The following NDRG2 variants were observed in gnomAD, a reference collection of about 807,000 sequenced individuals.
NDRG2 encodes the protein NDRG family member 2.
In NDRG2, 34 loss-of-function variants were observed where a neutral mutation model predicts 58.2. The observed-to-expected ratio is 0.58, with a 90% CI of 0.44 to 0.78. NDRG2 has a LOEUF of 0.78. NDRG2 is among the 30% of genes least tolerant of loss of function. NDRG2 has a pLI of 0.00. For synonymous variants in NDRG2, 187 were observed against 175.9 expected, an observed-to-expected ratio of 1.06 and a Z score of -0.50; for missense variants, 434 against 471.2, an observed-to-expected ratio of 0.92 and a Z score of 0.73.
intron 1 of NDRG2, among the ~76,000 whole-genome samples, chr14:21,053,893 A>AC (rs1437139239): frequency 2.0e-5 from 3 of 152,216 alleles, no homozygotes; most frequent in African/African-American, 4.8e-5. Context: ...TATTCTATGA[A>AC]ACTGGGTCCA....
At chr14:21,020,878 A>G (rs781001944) in intron 6 of NDRG2, 34 bp from the exon 7 acceptor site, 2 of 1,609,852 alleles carry the variant, frequency 1.2e-6, no homozygotes, top group South Asian at 2.2e-5. Context: ...GCCTCATGGG[A>G]TCTGCTGTCC....
At chr14:21,063,843 T>A (rs890070319) in intron 1 of NDRG2, among the ~76,000 whole-genome samples, 1 of 152,254 alleles carries the variant, frequency 6.6e-6, no homozygotes, top group Non-Finnish European at 1.5e-5. Flanking sequence ...TCTCTCATTA[T>A]GCTTAAAATT....
rs941406000 is a variant in NDRG2, at chr14:21,017,292, A to G, written c.*304T>C. 5 of 439,754 alleles carry G rather than the reference A, an allele frequency of 1.1e-5. No homozygotes were observed. The highest frequency in any genetic ancestry group is 1.7e-5 in the Non-Finnish European group (4 of 234,868). 27.2% of individuals were successfully genotyped at this position (439,754 alleles called of 1,614,324 possible). ...CAACTACAACAACCTCTTACCCCTC[A>G]GCTATAGACACCTAGATCAGGACAG... On this transcript the variant is annotated 3_prime_UTR_variant, in exon 16 of 16. Coordinates refer to ENST00000556147, the MANE Select transcript of NDRG2 (RefSeq NM_001320329.2).
intron 1 of NDRG2, chr14:21,058,363 G>C: frequency 6.3e-7 from 1 of 1,584,784 alleles, no homozygotes; most frequent in Non-Finnish European, 8.6e-7. Flanking sequence ...TCTAAGCCCT[G>C]GTGCCCACGT....
At chr14:21,020,867 C>A in intron 6 of NDRG2, 23 bp from the exon 7 acceptor site, 1 of 1,611,892 alleles carries the variant, frequency 6.2e-7, no homozygotes, top group Non-Finnish European at 8.5e-7. Flanking sequence ...AAGAAATATA[C>A]GCCTCATGGG....
chr14:21,070,319 C>A lies in NDRG2; in HGVS notation c.24+509G>T. The A allele has an allele frequency of 2.2e-6, 3 of 1,381,972 alleles. No homozygotes were observed. The highest frequency in any genetic ancestry group is 2.8e-6 in the Non-Finnish European group (3 of 1,068,878). 85.6% of individuals were successfully genotyped at this position (1,381,972 alleles called of 1,614,324 possible). A position where few individuals can be genotyped will look rare whatever the true frequency, so the allele number is the denominator to read the frequency against. ...TCCCTTAGCCAGACCCGGCGAGACA[C>A]GAGCGGCGGGAGGGAGGCGGTGGCG... On this transcript the variant is annotated intron_variant, in intron 1 of 14. Transcript: ENST00000403829. This position sits in a 1 kb window ranked among gnomAD's most constrained non-coding sequence, Gnocchi z 4.7.
Position 21,024,597 on chromosome 14 carries a change from C to A in NDRG2, c.-574G>T. 1 of 985,518 alleles carries A rather than the reference C, an allele frequency of 1.0e-6. No individual in the cohort carries two copies. Among genetic ancestry groups the A allele is most frequent in the Non-Finnish European group, 1.2e-6 (1 of 829,960 alleles). The allele number at this position is 985,518 out of a possible 1,614,324, so 61.0% of individuals were successfully genotyped here. Reference sequence around the variant, plus strand: ...GGTGCCGTCGCTTCTCTCCTCTACTCAGTCTCCGTGTAGGTCCCACGAGTG... The same window carrying A: ...GGTGCCGTCGCTTCTCTCCTCTACTAAGTCTCCGTGTAGGTCCCACGAGTG... On this transcript the variant is annotated 5_prime_UTR_variant, in exon 1 of 16. Coordinates refer to ENST00000556147, the MANE Select transcript of NDRG2 (RefSeq NM_001320329.2).
intron 4 of NDRG2, 54 bp downstream of exon 4, chr14:21,022,338 C>A: frequency 1.9e-6 from 3 of 1,584,732 alleles, no homozygotes; most frequent in East Asian, 2.2e-5. Context: ...CATTTCTACC[C>A]TTCCCCCACA....
At chr14:21,058,382 A>C in intron 1 of NDRG2, 1 of 1,507,690 alleles carries the variant, frequency 6.6e-7, no homozygotes, top group Non-Finnish European at 9.1e-7. Context: ...GTTCCACCTC[A>C]CACTCTGCAG....
intron 1 of NDRG2, among the ~76,000 whole-genome samples, chr14:21,053,820 A>G (rs1885567799): frequency 6.6e-6 from 1 of 152,046 alleles, no homozygotes; most frequent in South Asian, 2.1e-4. Flanking sequence ...GAAAAAAAAA[A>G]TACACTTCTG....
At chr14:21,053,884 A>G (rs1885570799) in intron 1 of NDRG2, among the ~76,000 whole-genome samples, 1 of 152,180 alleles carries the variant, frequency 6.6e-6, no homozygotes, top group Admixed American at 6.5e-5. Flanking sequence ...CTGCTTTGAT[A>G]TTCTATGAAA....
At chr14:21,062,320 C>T (rs1886003371) in intron 1 of NDRG2, among the ~76,000 whole-genome samples, 1 of 152,178 alleles carries the variant, frequency 6.6e-6, no homozygotes, top group African/African-American at 2.4e-5. Flanking sequence ...TTTGCTGGGG[C>T]GTTTAGTAGG....
chr14:21,035,066 A>G (rs10146059), intron 1 of NDRG2, among the ~76,000 whole-genome samples: 40,022 of 152,170 alleles, frequency 0.26, 7,425 homozygotes, highest in African/African-American at 0.53. Context: ...AGAACAGAGC[A>G]TTCGCCACTT....
At chr14:21,067,568 C>A (rs1196375093) in intron 1 of NDRG2, among the ~76,000 whole-genome samples, 1 of 152,148 alleles carries the variant, frequency 6.6e-6, no homozygotes, top group African/African-American at 2.4e-5. Flanking sequence ...GCTGCAATTT[C>A]TTCTGTAAAA....
At chr14:21,032,345 A>C (rs1884269730) in intron 1 of NDRG2, 2 of 559,364 alleles carry the variant, frequency 3.6e-6, no homozygotes, top group Non-Finnish European at 6.8e-6. Context: ...GGATGGAAGA[A>C]TATATTTGGA....
At chr14:21,025,209 C>T, upstream of NDRG2, 1 of 869,808 alleles carries the variant, frequency 1.1e-6, no homozygotes, top group Non-Finnish European at 1.4e-6. This position sits in a 1 kb window ranked among gnomAD's most constrained non-coding sequence, Gnocchi z 5.1. Context: ...CAGACTGCCG[C>T]TCAGGAAAGG....
intron 13 of NDRG2, 92 bp downstream of exon 13, chr14:21,018,365 C>G: frequency 6.2e-7 from 1 of 1,604,126 alleles, no homozygotes; most frequent in Non-Finnish European, 8.5e-7. Context: ...TCGTTCACCC[C>G]ATTTGCTCCC....
chr14:21,022,562 CA>C, intron 3 of NDRG2, 65 bp from the exon 4 acceptor site: 1 of 1,237,052 alleles, frequency 8.1e-7, no homozygotes, highest in Non-Finnish European at 1.2e-6. Flanking sequence ...GGAGCAACAC[CA>C]AGGTCAGGGA....
intron 1 of NDRG2, chr14:21,034,271 G>T (rs911731646): frequency 1.9e-6 from 3 of 1,611,662 alleles, no homozygotes; most frequent in Non-Finnish European, 2.5e-6. Flanking sequence ...AAAGGAGCCG[G>T]GTCACAGCTG....
Sources: allele counts gnomAD v4.1 joint callset (sites outside exome capture counted in the v4.1 genomes callset), GRCh38; gene constraint gnomAD v4.1.1; non-coding constraint Gnocchi (gnomAD v3.1); transcripts MANE v1.5; gene names NCBI Gene and HGNC (gene_info 2026-07-23, HGNC 2026-07-21).